Variants in HECTD4 observed in about 807,000 individuals in gnomAD.
HECTD4 encodes probable E3 ubiquitin-protein ligase HECTD4.
HECTD4 carries 114 observed loss-of-function variants against 471.5 expected under a neutral mutation model. The observed-to-expected ratio is 0.24, with a 90% CI of 0.21 to 0.28. The LOEUF is 0.28. Among genes scored for constraint, HECTD4 ranks in the 10% least tolerant of loss-of-function variants. The pLI is 1.00. For synonymous variants in HECTD4, 2,012 were observed against 2,256.0 expected (o/e 0.89, Z 3.07); for missense variants, 3,866 against 5,651.5 (o/e 0.68, Z 10.13).
chr12:112,367,188 G>A (rs572266157), intron 1 of HECTD4, among the ~76,000 whole-genome samples: 1 of 151,304 alleles, frequency 6.6e-6, no homozygotes, highest in African/African-American at 2.4e-5. Flanking sequence ...TGTAATCCCA[G>A]TTTCTTGGGA....
intron 9 of HECTD4, among the ~76,000 whole-genome samples, chr12:112,276,596 C>T (rs746472543): frequency 2.0e-4 from 31 of 152,212 alleles, no homozygotes; most frequent in Non-Finnish European, 2.2e-4. Flanking sequence ...TACAGGCACG[C>T]GCCACCACGC....
chr12:112,376,972 C>T (rs936657828), intron 1 of HECTD4, among the ~76,000 whole-genome samples: 1 of 152,016 alleles, frequency 6.6e-6, no homozygotes, highest in Non-Finnish European at 1.5e-5. Context: ...ATTAGCCAGG[C>T]GTGGTGGTGC....
intron 70 of HECTD4, among the ~76,000 whole-genome samples, chr12:112,168,827 C>T (rs966801988): frequency 2.0e-5 from 3 of 152,152 alleles, no homozygotes; most frequent in Non-Finnish European, 2.9e-5. Context: ...GATAAGGTGT[C>T]GAGCGTGAGT....
At chr12:112,291,040 G>A (rs375550426) in intron 7 of HECTD4, among the ~76,000 whole-genome samples, 7 of 152,050 alleles carry the variant, frequency 4.6e-5, no homozygotes, top group African/African-American at 1.7e-4. Flanking sequence ...CCTGGTCTGT[G>A]GCAACAACTT....
At chr12:112,323,947 CT>C (rs1315303083) in intron 1 of HECTD4, among the ~76,000 whole-genome samples, 4 of 66,850 alleles carry the variant, frequency 6.0e-5, no homozygotes, top group Non-Finnish European at 2.7e-5. Context: ...TACTGAGGTG[CT>C]TCTTTCTTTC....
In HECTD4 at chr12:112,213,764, G is replaced by A. The variant is rs1021979937; in HGVS notation, c.7466-1114C>T. On this transcript the variant is annotated intron_variant, in intron 48 of 75. Transcript: ENST00000682272. This position sits in a 1 kb window ranked among gnomAD's most constrained non-coding sequence, Gnocchi z 4.0. ...AGGCCAGACATGATGGTTCATGCCT[G>A]TAATCCCAGCATTTTGGGAGGCCAA... Among the ~76,000 whole-genome samples the A allele has an allele frequency of 1.1e-4, 16 of 150,082 alleles. No homozygotes were observed. Among genetic ancestry groups the A allele is most frequent in the African/African-American group, 3.9e-4 (16 of 40,974 alleles).
intron 1 of HECTD4, among the ~76,000 whole-genome samples, chr12:112,329,377 T>A (rs533595557): frequency 6.6e-6 from 1 of 151,684 alleles, no homozygotes; most frequent in Non-Finnish European, 1.5e-5. Flanking sequence ...TTTGTTTTTT[T>A]TTTTTTTTTT....
chr12:112,262,500 A>C (rs2034169549), intron 17 of HECTD4, among the ~76,000 whole-genome samples: 1 of 135,506 alleles, frequency 7.4e-6, no homozygotes, highest in South Asian at 2.9e-4. Context: ...TGGGCGACAA[A>C]GAGAGACTCC....
At chr12:112,240,258 G>A (rs968548068) in intron 32 of HECTD4, among the ~76,000 whole-genome samples, 1 of 152,184 alleles carries the variant, frequency 6.6e-6, no homozygotes, top group African/African-American at 2.4e-5. Flanking sequence ...GAAATCCTGG[G>A]TTAGGGAAAT....
intron 6 of HECTD4, 42 bp downstream of exon 6, chr12:112,308,711 C>T: frequency 4.7e-6 from 7 of 1,492,270 alleles, no homozygotes; most frequent in Non-Finnish European, 6.3e-6. Context: ...TTCTTTATTG[C>T]CTCTAAAATA....
intron 1 of HECTD4, among the ~76,000 whole-genome samples, chr12:112,334,637 CAAAAAAA>C (rs869292531): frequency 3.6e-3 from 165 of 45,276 alleles, no homozygotes; most frequent in African/African-American, 0.012. Flanking sequence ...ACTAAAAATA[CAAAAAAA>C]AAAAAAAAAA....
At chr12:112,164,974 T>G (rs1236694917) in intron 72 of HECTD4, among the ~76,000 whole-genome samples, 1 of 148,316 alleles carries the variant, frequency 6.7e-6, no homozygotes, top group African/African-American at 2.5e-5. Context: ...TCAGCTGGAG[T>G]GCAGTGGCGC....
At position 112,207,116 on chromosome 12, in the gene HECTD4, G is replaced by GTATGTA. The variant is rs1555250153; in HGVS notation, c.8131+757_8131+758insTACATA. 1.3e-3 allele frequency among the ~76,000 whole-genome samples: 185 copies of GTATGTA among 147,444 alleles called. 1 individual carries two copies. Among genetic ancestry groups the GTATGTA allele is most frequent in the Non-Finnish European group, 1.3e-3 (87 of 67,412 alleles). ...TGTTTGTTTATGTATATGTGTGTGTGTGTATGTATGTATGTATGTATGTAT... is the reference window on the plus strand; with the variant it reads ...TGTTTGTTTATGTATATGTGTGTGTGTATGTATGTATGTATGTATGTATGTATGTAT... On this transcript the variant is annotated intron_variant, in intron 52 of 75. Transcript: ENST00000682272.
intron 15 of HECTD4, 113 bp from the exon 16 acceptor site, chr12:112,265,408 A>G: frequency 1.4e-6 from 1 of 691,570 alleles, no homozygotes; most frequent in South Asian, 2.9e-5. Flanking sequence ...ATTGATTCTT[A>G]AGCAAATCAC....
rs756953948 is a variant in HECTD4 at position 112,270,286 on chromosome 12, C to T, written c.2116G>A (p.Glu706Lys). 19 of 1,613,928 alleles carry T rather than the reference C, an allele frequency of 1.2e-5. No individual in the cohort carries two copies. The highest frequency in any genetic ancestry group is 1.7e-6 in the Non-Finnish European group (2 of 1,179,914). The change falls in exon 12 of 76, where the codon GAG (glutamate) becomes AAG (lysine). Residue 706 changes from glutamate (E) to lysine (K), a missense_variant. Coordinates refer to ENST00000682272, the MANE Select transcript of HECTD4 (RefSeq NM_001388303.1). ...HHLSSICDIM[E>K]KAMVNGDTCI... ...GTATCTCCATTAACCATGGCCTTCT[C>T]CATAATGTCACAAATACTGCTAAGA...
Position 112,367,557 on chromosome 12 carries a change from C to T in HECTD4, c.177+14395G>A, listed in dbSNP as rs567196631. 4.6e-5 allele frequency among the ~76,000 whole-genome samples: 7 copies of T among 151,906 alleles called. No homozygotes were observed. The East Asian group carries it at 9.7e-4, about 21-fold the overall frequency. On this transcript the variant is annotated intron_variant, in intron 1 of 75. Transcript: ENST00000682272. ...GCTTCCGGCAGGGCCCAGTGGCTCACGCCTGTAATTCCAGCACTTTGGGAG... is the reference window on the plus strand; with the variant it reads ...GCTTCCGGCAGGGCCCAGTGGCTCATGCCTGTAATTCCAGCACTTTGGGAG...
chr12:112,285,750 G>C (rs1046918567), intron 7 of HECTD4, among the ~76,000 whole-genome samples: 4 of 151,690 alleles, frequency 2.6e-5, no homozygotes, highest in African/African-American at 9.7e-5. Flanking sequence ...TTGCTACTAC[G>C]ATCTAGTTCC....
chr12:112,235,376 T>C lies in HECTD4; in HGVS notation c.5726-110A>G, dbSNP rs914794482. 2 of 1,485,360 alleles carry C rather than the reference T, an allele frequency of 1.3e-6. No homozygotes were observed. Among genetic ancestry groups the C allele is most frequent in the Admixed American group, 2.1e-5 (1 of 47,334 alleles). The allele number at this position is 1,485,360 out of a possible 1,614,324, so 92.0% of individuals were successfully genotyped here. The stretch of plus-strand genomic sequence containing the variant: ...TTTGGAATCTTTCTTCCCCCTTCTC[T>C]ATTCCTGTCCCCGCTCCCTTCTCTG... On this transcript the variant is annotated intron_variant, in intron 36 of 75. Coordinates refer to ENST00000682272, the MANE Select transcript of HECTD4 (RefSeq NM_001388303.1). This position sits in a 1 kb window ranked among gnomAD's most constrained non-coding sequence, Gnocchi z 5.0.
rs1387272668 is a variant in HECTD4, at chr12:112,204,538, A to G, written c.8217T>C (p.Ile2739=). The G allele has an allele frequency of 1.9e-6, 3 of 1,613,690 alleles. No individual in the cohort carries two copies. Reference sequence around the variant, plus strand: ...TGTTTGCTTCGTCTTTAATGTCTTCAATGGTGGGAAGATAAAGGTCTCTTG... The same window carrying G: ...TGTTTGCTTCGTCTTTAATGTCTTCGATGGTGGGAAGATAAAGGTCTCTTG... The part of the protein sequence containing the change: ...GIPRDLYLPT[I]EDIKDEANKF... Residue 2739 remains isoleucine, a synonymous_variant, in exon 53 of 76, where the codon ATT becomes ATC. Transcript: ENST00000682272.
Sources: gnomAD v4.1 joint callset for allele counts (sites outside exome capture counted in the v4.1 genomes callset) on GRCh38, gnomAD v4.1.1 for gene constraint, Gnocchi (gnomAD v3.1) non-coding constraint, MANE v1.5 for transcripts, NCBI Gene and HGNC (gene_info 2026-07-23, HGNC 2026-07-21) for gene names.